TMEM132C: variants seen among roughly 807,000 people sequenced by gnomAD.
TMEM132C encodes protein phosphatase 1, regulatory subunit 152.
In TMEM132C, 29 loss-of-function variants were observed where a neutral mutation model predicts 61.4. The ratio of observed to expected loss-of-function variants is 0.47; its 90% CI spans 0.35 to 0.64. The LOEUF is 0.64. TMEM132C is among the 30% of genes least tolerant of loss of function. The pLI, the probability that TMEM132C is intolerant of heterozygous loss-of-function variation, is 0.00. For missense variants in TMEM132C, 1,408 were observed against 1,476.9 expected (o/e 0.95, Z 0.76); for synonymous variants, 656 against 633.1 (o/e 1.04, Z -0.54).
At chr12:128,554,667 C>A (rs528089066) in intron 3 of TMEM132C, among the ~76,000 whole-genome samples, 138 of 152,190 alleles carry the variant, frequency 9.1e-4, no homozygotes, top group Admixed American at 1.8e-3. Context: ...TCGACTGTGC[C>A]TCTTTTGGAG....
chr12:128,566,734 C>T (rs987762224), intron 3 of TMEM132C, among the ~76,000 whole-genome samples: 3 of 152,156 alleles, frequency 2.0e-5, no homozygotes, highest in Admixed American at 6.6e-5. Context: ...TCACGTAGTT[C>T]GTACTGTATG....
At chr12:128,429,740 T>G (rs1291535100) in intron 2 of TMEM132C, among the ~76,000 whole-genome samples, 1 of 152,194 alleles carries the variant, frequency 6.6e-6, no homozygotes, top group Non-Finnish European at 1.5e-5. Flanking sequence ...AGAGGGGTAT[T>G]CAAAGATGGG....
At chr12:128,393,801 A>C (rs970792870) in intron 1 of TMEM132C, among the ~76,000 whole-genome samples, 2 of 152,208 alleles carry the variant, frequency 1.3e-5, no homozygotes, top group African/African-American at 2.4e-5. Flanking sequence ...ATCAGGCAAA[A>C]AAGAAAGGGC....
chr12:128,484,202 AAG>A (rs1871410163), intron 2 of TMEM132C, among the ~76,000 whole-genome samples: 1 of 152,208 alleles, frequency 6.6e-6, no homozygotes. Context: ...TTAAAATGGA[AAG>A]ACACTAAGGG....
At chr12:128,549,600 G>A (rs1239718567) in intron 3 of TMEM132C, among the ~76,000 whole-genome samples, 1 of 152,074 alleles carries the variant, frequency 6.6e-6, no homozygotes, top group Admixed American at 6.5e-5. Flanking sequence ...TCTTATCGGG[G>A]GAAGTTCAAA....
intron 1 of TMEM132C, among the ~76,000 whole-genome samples, chr12:128,361,534 G>C (rs899550743): frequency 1.3e-5 from 2 of 152,174 alleles, no homozygotes; most frequent in African/African-American, 2.4e-5. Context: ...TGGTGGTCTT[G>C]AAATACTTTG....
In TMEM132C at chr12:128,707,458, G is replaced by A. The variant is rs1954852412; in HGVS notation, c.*1163G>A. On this transcript the variant is annotated 3_prime_UTR_variant, in exon 9 of 9. Coordinates refer to ENST00000435159, the MANE Select transcript of TMEM132C (RefSeq NM_001136103.3). ...TGTTTTTCTTATGTTGTTGGGTGGG[G>A]TATACCAGCATAAACTCTAAAGATA... is the stretch of plus-strand genomic sequence containing the variant. 6.6e-6 allele frequency: 1 copy of A among 152,238 alleles called. No individual in the cohort carries two copies. The highest frequency in any genetic ancestry group is 2.4e-5 in the African/African-American group (1 of 41,460). 9.4% of individuals were successfully genotyped at this position (152,238 alleles called of 1,614,324 possible). A position where few individuals can be genotyped will look rare whatever the true frequency, so the allele number is the denominator to read the frequency against.
Position 128,705,607 on chromosome 12 carries a change from C to T in TMEM132C, c.2639C>T (p.Ala880Val), listed in dbSNP as rs1316013131. The change falls in exon 9 of 9, where the codon GCA becomes GTA. Residue 880 changes from alanine to valine, a missense_variant. Ala to Val is a moderately conservative substitution (Grantham distance 64). Transcript: ENST00000435159. Reference sequence around the variant, plus strand: ...AGTCGGGCAGACGGGGGCAGGCTGGCAGGAGAGGGGCAGCTGCAGAACATC... The same window carrying T: ...AGTCGGGCAGACGGGGGCAGGCTGGTAGGAGAGGGGCAGCTGCAGAACATC... ...KNSRADGGRL[A>V]GEGQLQNIPI... 5 of 1,550,956 alleles carry T rather than the reference C, an allele frequency of 3.2e-6. No individual in the cohort carries two copies. The highest frequency in any genetic ancestry group is 3.9e-5 in the Admixed American group (2 of 50,984).
chr12:128,659,233 A>AT (rs1313504282), intron 4 of TMEM132C, among the ~76,000 whole-genome samples: 1 of 152,206 alleles, frequency 6.6e-6, no homozygotes, highest in Admixed American at 6.5e-5. Context: ...ACAAATTTAC[A>AT]TAAAAACTTG....
chr12:128,634,314 A>G (rs950010089), intron 4 of TMEM132C, among the ~76,000 whole-genome samples: 3 of 152,226 alleles, frequency 2.0e-5, no homozygotes, highest in African/African-American at 7.2e-5. Flanking sequence ...GCCTCTAGCC[A>G]TCTTCCTGTC....
At chr12:128,559,374 G>GT (rs1190231255) in intron 3 of TMEM132C, among the ~76,000 whole-genome samples, 2 of 151,962 alleles carry the variant, frequency 1.3e-5, no homozygotes, top group Non-Finnish European at 2.9e-5. Context: ...TTATTCTCAG[G>GT]TTTTTTGGGG....
chr12:128,517,265 T>TAAATAAATAAATAAAC (rs1168389584), intron 2 of TMEM132C, among the ~76,000 whole-genome samples: 2 of 136,512 alleles, frequency 1.5e-5, no homozygotes, highest in Non-Finnish European at 3.1e-5. Context: ...AATAAATAAA[T>TAAATAAATAAATAAAC]AAACAAACAA....
chr12:128,621,196 A>G (rs1953960119), intron 4 of TMEM132C, among the ~76,000 whole-genome samples: 1 of 152,098 alleles, frequency 6.6e-6, no homozygotes, highest in African/African-American at 2.4e-5. Flanking sequence ...GGGAGGCACC[A>G]GAGAGAACTG....
chr12:128,443,163 A>G (rs189158846), intron 2 of TMEM132C, among the ~76,000 whole-genome samples: 81 of 152,270 alleles, frequency 5.3e-4, no homozygotes, highest in African/African-American at 2.0e-3. Context: ...AGAGAGAGAC[A>G]GAGAAGCAAA....
intron 4 of TMEM132C, among the ~76,000 whole-genome samples, chr12:128,656,592 C>T (rs955897137): frequency 1.3e-5 from 2 of 152,232 alleles, no homozygotes; most frequent in Non-Finnish European, 2.9e-5. Flanking sequence ...TGGTAAAGCA[C>T]TGGTAAATGT....
At chr12:128,443,718 C>T (rs542523573) in intron 2 of TMEM132C, among the ~76,000 whole-genome samples, 4 of 152,206 alleles carry the variant, frequency 2.6e-5, no homozygotes, top group Admixed American at 6.5e-5. Context: ...TTTTTCATCC[C>T]GCTTCCCCAC....
chr12:128,693,740 C>T (rs1954736305), intron 5 of TMEM132C, 89 bp from the exon 6 acceptor site: 3 of 1,412,012 alleles, frequency 2.1e-6, no homozygotes, highest in South Asian at 1.3e-5. Context: ...AGCATTTGTG[C>T]TTTGCAAGAT....
At chr12:128,474,458 G>T (rs1344490418) in intron 2 of TMEM132C, among the ~76,000 whole-genome samples, 1 of 152,114 alleles carries the variant, frequency 6.6e-6, no homozygotes, top group Non-Finnish European at 1.5e-5. Context: ...GGGTGTCATT[G>T]GTCCATAGAA....
chr12:128,433,827 C>T (rs904616336), intron 2 of TMEM132C, among the ~76,000 whole-genome samples: 4 of 152,218 alleles, frequency 2.6e-5, no homozygotes, highest in African/African-American at 9.6e-5. Context: ...GTGGGAATGG[C>T]AGTGAGATGC....
Sources: gnomAD v4.1 joint callset for allele counts (sites outside exome capture counted in the v4.1 genomes callset) on GRCh38, gnomAD v4.1.1 for gene constraint, MANE v1.5 for transcripts, NCBI Gene and HGNC (gene_info 2026-07-23, HGNC 2026-07-21) for gene names.